The following WDR33 variants were observed in gnomAD, a reference collection of about 807,000 sequenced individuals.
The protein encoded by WDR33 is WD repeat domain 33, also known as pre-mRNA 3' end processing protein WDR33.
WDR33 carries 47 observed loss-of-function variants against 164.9 expected under a neutral mutation model. The observed-to-expected ratio is 0.29, with a 90% CI of 0.23 to 0.36. The LOEUF (loss-of-function observed/expected upper bound fraction) is 0.36, where lower values mean the gene tolerates loss of function less well. Ranked by LOEUF, WDR33 falls within the 10% of genes least tolerant of loss-of-function variation. The pLI, the probability that WDR33 is intolerant of heterozygous loss-of-function variation, is 1.00. For missense variants in WDR33, 1,137 were observed against 1,754.1 expected (o/e 0.65, Z 6.28); for synonymous variants, 505 against 589.0 (o/e 0.86, Z 2.06).
Position 127,724,016 on chromosome 2 carries a change from T to A in WDR33, c.1196+317A>T, listed in dbSNP as rs1573889265. Among the ~76,000 whole-genome samples, 1 of 152,030 alleles carries A rather than the reference T, an allele frequency of 6.6e-6. No homozygotes were observed. The highest frequency in any genetic ancestry group is 1.5e-5 in the Non-Finnish European group (1 of 67,996). The stretch of plus-strand genomic sequence containing the variant: ...CACCTGAGCCCAGGAAGGTTGAGGC[T>A]ATAGTGAGCTGAGACCGCACCATTG... On this transcript the variant is annotated intron_variant, in intron 11 of 21. Coordinates refer to ENST00000322313, the MANE Select transcript of WDR33 (RefSeq NM_018383.5). The surrounding 1 kb of genome is among the most constrained non-coding windows in gnomAD (Gnocchi z 4.8).
At chr2:127,754,361 A>T (rs893979703) in intron 7 of WDR33, among the ~76,000 whole-genome samples, 59 of 152,302 alleles carry the variant, frequency 3.9e-4, no homozygotes, top group African/African-American at 1.4e-3. Context: ...TGGCAAGCTA[A>T]ATGTGGCAAA....
Position 127,765,287 on chromosome 2 carries a change from A to G in WDR33, c.379-18T>C. On this transcript the variant is annotated intron_variant, in intron 4 of 21. Transcript: ENST00000322313. Reference sequence around the variant, plus strand: ...GGAGTCCACTAAGGGAGAAAAAAAGACAGGTTATACATCCTCCAACTTCAC... The same window carrying G: ...GGAGTCCACTAAGGGAGAAAAAAAGGCAGGTTATACATCCTCCAACTTCAC... 1 of 1,582,108 alleles carries G rather than the reference A, an allele frequency of 6.3e-7. No individual in the cohort carries two copies. The highest frequency in any genetic ancestry group is 1.7e-5 in the Admixed American group (1 of 58,102).
Position 127,732,723 on chromosome 2 carries a change from C to T in WDR33, c.725-5946G>A, listed in dbSNP as rs180736429. Among the ~76,000 whole-genome samples, 95 of 152,260 alleles carry T rather than the reference C, an allele frequency of 6.2e-4. 1 individual carries two copies. Among genetic ancestry groups the T allele is most frequent in the Non-Finnish European group, 1.1e-3 (78 of 68,028 alleles). On this transcript the variant is annotated intron_variant, in intron 7 of 21. Coordinates refer to ENST00000322313, the MANE Select transcript of WDR33 (RefSeq NM_018383.5). ...TACTCAGCAGGGATGCAGCTTTTCA[C>T]TGACAGCTCTCAGACGTGGTAGGGG...
chr2:127,769,096 A>G, intron 2 of WDR33, 95 bp from the exon 3 acceptor site: 1 of 703,202 alleles, frequency 1.4e-6, no homozygotes. Flanking sequence ...ACAAAATGTA[A>G]GCTATATTAA....
intron 1 of WDR33, among the ~76,000 whole-genome samples, chr2:127,778,805 T>C (rs72846274): frequency 0.065 from 9,953 of 152,234 alleles, 438 homozygotes; most frequent in Middle Eastern, 0.16. Context: ...AAGGCCAGCA[T>C]AATTTTTCCC....
Position 127,714,061 on chromosome 2 carries a change from A to C in WDR33, c.2870-40T>G. On this transcript the variant is annotated intron_variant, in intron 17 of 21. Transcript: ENST00000322313. This position sits in a 1 kb window ranked among gnomAD's most constrained non-coding sequence, Gnocchi z 4.3. ...GCTGACTTTTACCATGTCTTCCAGG[A>C]AACCTGCCAACATAGGTCTGATCTG... 1 of 1,486,298 alleles carries C rather than the reference A, an allele frequency of 6.7e-7. No individual in the cohort carries two copies. The allele number at this position is 1,486,298 out of a possible 1,614,324, so 92.1% of individuals were successfully genotyped here. A position where few individuals can be genotyped will look rare whatever the true frequency, so the allele number is the denominator to read the frequency against.
At chr2:127,715,013 T>G (rs1686264567) in intron 17 of WDR33, among the ~76,000 whole-genome samples, 1 of 150,492 alleles carries the variant, frequency 6.6e-6, no homozygotes, top group Non-Finnish European at 1.5e-5. Flanking sequence ...GACAAACCCC[T>G]CCTGTACCCC....
chr2:127,802,181 T>C (rs183786016), intron 1 of WDR33, among the ~76,000 whole-genome samples: 205 of 149,678 alleles, frequency 1.4e-3, no homozygotes, highest in African/African-American at 4.6e-3. Context: ...AAAAAAAAAT[T>C]AAGACAGTAA....
chr2:127,777,998 A>G (rs1688240705), intron 1 of WDR33, among the ~76,000 whole-genome samples: 1 of 152,204 alleles, frequency 6.6e-6, no homozygotes, highest in Non-Finnish European at 1.5e-5. Flanking sequence ...AGCTGAAGAT[A>G]AAAGTTAAAA....
chr2:127,736,042 CAGGTA>C, intron 7 of WDR33: 1 of 985,456 alleles, frequency 1.0e-6, no homozygotes, highest in East Asian at 1.1e-4. Flanking sequence ...GTCCGGCAGT[CAGGTA>C]AGTTGAGCAA....
Position 127,709,935 on chromosome 2 carries a change from A to C in WDR33, c.3309-79T>G, listed in dbSNP as rs1389417813. ...AGTTCATGTTTCAAAGAAGCATATGATATGAGAAAGCATGATACAATGTTA... is the reference window on the plus strand; with the variant it reads ...AGTTCATGTTTCAAAGAAGCATATGCTATGAGAAAGCATGATACAATGTTA... On this transcript the variant is annotated intron_variant, in intron 18 of 21. Transcript: ENST00000322313. This position sits in a 1 kb window ranked among gnomAD's most constrained non-coding sequence, Gnocchi z 5.0. 1.3e-6 allele frequency: 2 copies of C among 1,510,748 alleles called. No individual in the cohort carries two copies. The highest frequency in any genetic ancestry group is 1.4e-5 in the African/African-American group (1 of 71,500). 93.6% of individuals were successfully genotyped at this position (1,510,748 alleles called of 1,614,324 possible). A position where few individuals can be genotyped will look rare whatever the true frequency, so the allele number is the denominator to read the frequency against.
At chr2:127,791,983 G>A (rs1021191610) in intron 1 of WDR33, among the ~76,000 whole-genome samples, 1 of 151,096 alleles carries the variant, frequency 6.6e-6, no homozygotes, top group Non-Finnish European at 1.5e-5. Flanking sequence ...CTGTCACCCA[G>A]GCTGGAGTGC....
At chr2:127,728,003 C>T (rs928575043) in intron 7 of WDR33, among the ~76,000 whole-genome samples, 1 of 152,218 alleles carries the variant, frequency 6.6e-6, no homozygotes. Flanking sequence ...ATACCCCGTA[C>T]TGGCAAGCAT....
At chr2:127,736,493 A>G in intron 7 of WDR33, 1 of 985,462 alleles carries the variant, frequency 1.0e-6, no homozygotes, top group Non-Finnish European at 1.2e-6. Flanking sequence ...TAAAAAAGCA[A>G]GCTCAAATGG....
chr2:127,712,104 G>T lies in WDR33; in HGVS notation c.3308+1479C>A, dbSNP rs1396669307. ...TCTATTCACAAGAAGAGTAAGAAAT[G>T]GAATGAAAGGACCAGGCGCAGTGGC... On this transcript the variant is annotated intron_variant, in intron 18 of 21. Transcript: ENST00000322313. This position sits in a 1 kb window ranked among gnomAD's most constrained non-coding sequence, Gnocchi z 4.0. Among the ~76,000 whole-genome samples, 1 of 151,834 alleles carries T rather than the reference G, an allele frequency of 6.6e-6. No homozygotes were observed.
rs1573905385 is a variant in WDR33, at chr2:127,741,779, AC to A, written c.725-15003del. On this transcript the variant is annotated intron_variant, in intron 7 of 21. Transcript: ENST00000322313. This position sits in a 1 kb window ranked among gnomAD's most constrained non-coding sequence, Gnocchi z 4.1. ...AGACATCCACACAAACACCCCAATT[AC>A]TATGTTAAAGGTTTTAAGGGGTATA... Among the ~76,000 whole-genome samples the A allele has an allele frequency of 6.6e-6, 1 of 152,188 alleles. No individual in the cohort carries two copies. Among genetic ancestry groups the A allele is most frequent in the African/African-American group, 2.4e-5 (1 of 41,434 alleles).
intron 7 of WDR33, among the ~76,000 whole-genome samples, chr2:127,751,973 T>C (rs1469507251): frequency 1.3e-5 from 2 of 152,198 alleles, no homozygotes; most frequent in Non-Finnish European, 2.9e-5. Context: ...CTAGTCCGTT[T>C]GGTCAAACTG....
chr2:127,739,517 G>T (rs1686954353), intron 7 of WDR33, among the ~76,000 whole-genome samples: 1 of 152,162 alleles, frequency 6.6e-6, no homozygotes, highest in Non-Finnish European at 1.5e-5. Flanking sequence ...CCAGTAAACT[G>T]GTTGTGTTTA....
intron 7 of WDR33, among the ~76,000 whole-genome samples, chr2:127,756,938 G>A (rs1397373166): frequency 6.6e-6 from 1 of 151,918 alleles, no homozygotes; most frequent in African/African-American, 2.4e-5. Flanking sequence ...TTAGCCAGGT[G>A]TGGTGGTGCA....
Sources: allele counts gnomAD v4.1 joint callset (sites outside exome capture counted in the v4.1 genomes callset), GRCh38; gene constraint gnomAD v4.1.1; non-coding constraint Gnocchi (gnomAD v3.1); transcripts MANE v1.5; gene names NCBI Gene and HGNC (gene_info 2026-07-23, HGNC 2026-07-21).